The following AK4 variants were observed in gnomAD, a reference collection of about 807,000 sequenced individuals.
AK4 encodes the protein adenylate kinase 4, also known as adenylate kinase 4, mitochondrial.
In AK4, 13 loss-of-function variants were observed where a neutral mutation model predicts 24.6. The ratio of observed to expected loss-of-function variants is 0.53; its 90% CI spans 0.34 to 0.84. The LOEUF (loss-of-function observed/expected upper bound fraction) is 0.84, where lower values mean the gene tolerates loss of function less well. Among genes scored for constraint, AK4 ranks in the 40% least tolerant of loss-of-function variants. AK4 has a pLI of 0.01. For missense variants in AK4, 192 were observed against 288.2 expected, an observed-to-expected ratio of 0.67 and a Z score of 2.42; for synonymous variants, 88 against 107.0, an observed-to-expected ratio of 0.82 and a Z score of 1.10.
intron 1 of AK4, chr1:65,149,145 ACT>A (rs1649680238): frequency 6.8e-6 from 1 of 146,180 alleles, no homozygotes; most frequent in African/African-American, 2.5e-5. Flanking sequence ...TCTAAGGTAA[ACT>A]CTCCCCAGCA....
intron 1 of AK4, among the ~76,000 whole-genome samples, chr1:65,184,216 T>C (rs1359066226): frequency 1.3e-5 from 2 of 152,254 alleles, no homozygotes; most frequent in African/African-American, 4.8e-5. Context: ...TTGTAAGATA[T>C]GTAGAACATT....
chr1:65,198,398 G>A (rs1296286307), intron 2 of AK4, among the ~76,000 whole-genome samples: 2 of 152,152 alleles, frequency 1.3e-5, no homozygotes, highest in African/African-American at 4.8e-5. Flanking sequence ...CATTCAGTAA[G>A]CATTATTATA....
intron 1 of AK4, among the ~76,000 whole-genome samples, chr1:65,150,808 G>A (rs1329185135): frequency 1.3e-5 from 2 of 151,988 alleles, no homozygotes; most frequent in Non-Finnish European, 2.9e-5. Context: ...GCTCCAGCCT[G>A]GATTTGGGCA....
At chr1:65,221,312 A>C (rs1305544175) in intron 3 of AK4, among the ~76,000 whole-genome samples, 1 of 152,176 alleles carries the variant, frequency 6.6e-6, no homozygotes, top group Non-Finnish European at 1.5e-5. Context: ...ATATAGATGG[A>C]GTCAGTAATT....
intron 1 of AK4, among the ~76,000 whole-genome samples, chr1:65,155,478 G>T (rs570419838): frequency 1.8e-4 from 28 of 151,924 alleles, no homozygotes; most frequent in African/African-American, 6.8e-4. Flanking sequence ...GTCTCAGAAA[G>T]TAAATAAAAA....
chr1:65,221,806 A>G (rs749821270), intron 3 of AK4, among the ~76,000 whole-genome samples: 1 of 152,208 alleles, frequency 6.6e-6, no homozygotes, highest in Non-Finnish European at 1.5e-5. Flanking sequence ...CCCTCAAAGA[A>G]CATCTGCAAT....
chr1:65,162,005 T>G (rs960611337), intron 1 of AK4, among the ~76,000 whole-genome samples: 3 of 152,138 alleles, frequency 2.0e-5, no homozygotes, highest in Non-Finnish European at 2.9e-5. Context: ...CCCAGCACTT[T>G]GAGAGGCCGA....
At chr1:65,203,822 AC>A (rs1408721706) in intron 2 of AK4, among the ~76,000 whole-genome samples, 1 of 151,526 alleles carries the variant, frequency 6.6e-6, no homozygotes, top group Admixed American at 6.6e-5. Flanking sequence ...AAAAAAAATC[AC>A]CCCTCCTCCA....
At chr1:65,188,077 C>T (rs1651162993) in intron 1 of AK4, among the ~76,000 whole-genome samples, 1 of 151,996 alleles carries the variant, frequency 6.6e-6, no homozygotes, top group South Asian at 2.1e-4. Flanking sequence ...TCTGGGGAGG[C>T]AAGGCTTCTA....
At chr1:65,167,081 A>G (rs1650357266) in intron 1 of AK4, among the ~76,000 whole-genome samples, 1 of 152,216 alleles carries the variant, frequency 6.6e-6, no homozygotes, top group South Asian at 2.1e-4. Context: ...GTAGTGAGCC[A>G]AGATCACACC....
intron 2 of AK4, among the ~76,000 whole-genome samples, chr1:65,204,195 C>T (rs955099614): frequency 2.0e-5 from 3 of 150,926 alleles, no homozygotes; most frequent in East Asian, 2.0e-4. Context: ...AGTATTTAAT[C>T]TTACTGAATT....
intron 1 of AK4, among the ~76,000 whole-genome samples, chr1:65,168,694 T>C (rs967567185): frequency 4.1e-4 from 62 of 152,216 alleles, no homozygotes; most frequent in Non-Finnish European, 5.7e-4. Flanking sequence ...CATAAAAGCC[T>C]ACCTACCATA....
chr1:65,218,994 AGAAAAGGATAT>A, intron 3 of AK4, 68 bp downstream of exon 3: 1 of 1,316,398 alleles, frequency 7.6e-7, no homozygotes, highest in East Asian at 2.5e-5. Flanking sequence ...TGAAAAGTGG[AGAAAAGGATAT>A]GAGTAGACCA....
Position 65,192,907 on chromosome 1 carries a change from G to A in AK4, c.265+2078G>A, listed in dbSNP as rs528926453. On this transcript the variant is annotated intron_variant, in intron 2 of 4. Coordinates refer to ENST00000327299, the MANE Select transcript of AK4 (RefSeq NM_013410.4). ...TCCTGGGCACACTGGGATGGGAGTT[G>A]GGCTTCCAGGGCCTCAGAAGCCCCA... Among the ~76,000 whole-genome samples, 8 of 152,344 alleles carry A rather than the reference G, an allele frequency of 5.3e-5. No homozygotes were observed. In the South Asian group the frequency reaches 1.7e-3, roughly 32 times the overall value.
Position 65,216,909 on chromosome 1 carries a change from C to G in AK4, c.266-1845C>G, listed in dbSNP as rs1384056708. On this transcript the variant is annotated intron_variant, in intron 2 of 4. Transcript: ENST00000327299. ...AGAGATGGGTTCTCTCTACATTGCC[C>G]AGGCTGGCCTTGAATTCCTGGCCTC... Among the ~76,000 whole-genome samples the G allele has an allele frequency of 1.6e-5, 2 of 124,050 alleles. 1 individual carries two copies. Among genetic ancestry groups the G allele is most frequent in the African/African-American group, 1.1e-4 (2 of 18,080 alleles). The allele number at this position is 124,050 out of a possible 152,430, so 81.4% of individuals were successfully genotyped here.
Position 65,228,727 on chromosome 1 carries a change from T to G in AK4, c.*2550T>G, listed in dbSNP as rs1000536761. 13 of 152,092 alleles carry G rather than the reference T, an allele frequency of 8.5e-5. No individual in the cohort carries two copies. The East Asian group carries it at 1.4e-3, about 16-fold the overall frequency. 9.4% of individuals were successfully genotyped at this position (152,092 alleles called of 1,614,324 possible). ...GGACATCTTTTCTTGTTTTGTTTTT[T>G]TTTTTTCTATTGCCACACATGACCG... On this transcript the variant is annotated 3_prime_UTR_variant, in exon 5 of 5. Coordinates refer to ENST00000327299, the MANE Select transcript of AK4 (RefSeq NM_013410.4).
At chr1:65,175,830 G>A (rs749108420) in intron 1 of AK4, among the ~76,000 whole-genome samples, 7 of 152,140 alleles carry the variant, frequency 4.6e-5, no homozygotes, top group Non-Finnish European at 7.4e-5. Context: ...ATTACTTGCC[G>A]TTTTCCTATT....
intron 3 of AK4, among the ~76,000 whole-genome samples, chr1:65,222,062 G>A (rs938523674): frequency 1.3e-5 from 2 of 152,188 alleles, no homozygotes; most frequent in African/African-American, 4.8e-5. Flanking sequence ...AGACCAGCTG[G>A]TGGTGGATGC....
intron 2 of AK4, among the ~76,000 whole-genome samples, chr1:65,198,809 G>A (rs775906941): frequency 6.6e-6 from 1 of 151,806 alleles, no homozygotes; most frequent in South Asian, 2.1e-4. Flanking sequence ...GGGTGTGGTA[G>A]CTTATGCTTG....
Sources: gnomAD v4.1 joint callset for allele counts (sites outside exome capture counted in the v4.1 genomes callset) on GRCh38, gnomAD v4.1.1 for gene constraint, MANE v1.5 for transcripts, NCBI Gene and HGNC (gene_info 2026-07-23, HGNC 2026-07-21) for gene names.